ERBIN: variants seen among roughly 807,000 people sequenced by gnomAD.
ERBIN encodes densin-180-like protein.
A neutral mutation model predicts 158.4 loss-of-function variants in ERBIN; 60 were observed. That is an observed-to-expected ratio of 0.38 (90% CI 0.31 to 0.47). ERBIN has a LOEUF of 0.47. ERBIN is among the 20% of genes least tolerant of loss of function. ERBIN has a pLI of 0.99. For synonymous variants in ERBIN, 594 were observed against 557.2 expected (o/e 1.07, Z -0.93); for missense variants, 1,610 against 1,648.0 (o/e 0.98, Z 0.40).
chr5:65,988,983 CAAAAAAAA>C (rs34731955), intron 2 of ERBIN, among the ~76,000 whole-genome samples: 8 of 62,906 alleles, frequency 1.3e-4, no homozygotes, highest in Non-Finnish European at 1.8e-4. Context: ...ACCCTGTTTC[CAAAAAAAA>C]AAAAAAAAAA....
rs187775121 is a variant in ERBIN at position 65,938,158 on chromosome 5, A to G, written c.-58+11352A>G. The stretch of plus-strand genomic sequence containing the variant: ...ATATATTTTTGTTATATTTATTTCT[A>G]AAAACATTTTGGAGGGAGGGCAAGG... On this transcript the variant is annotated intron_variant, in intron 1 of 25. Transcript: ENST00000284037. Among the ~76,000 whole-genome samples, 326 of 152,212 alleles carry G rather than the reference A, an allele frequency of 2.1e-3. 2 individuals are homozygous for G. Among genetic ancestry groups the G allele is most frequent in the African/African-American group, 7.7e-3 (318 of 41,532 alleles).
chr5:65,935,189 CTT>C (rs1471285708), intron 1 of ERBIN, among the ~76,000 whole-genome samples: 1 of 152,052 alleles, frequency 6.6e-6, no homozygotes, highest in Non-Finnish European at 1.5e-5. Context: ...ACTTCTTTGA[CTT>C]TACCAGGGGT....
At chr5:65,929,637 C>CTTG (rs1743118249) in intron 1 of ERBIN, among the ~76,000 whole-genome samples, 1 of 121,662 alleles carries the variant, frequency 8.2e-6, no homozygotes, top group African/African-American at 3.4e-5. Flanking sequence ...GTCTTTTCCT[C>CTTG]TTTTTTTTTT....
Position 66,014,744 on chromosome 5 carries a change from C to CCTG in ERBIN, c.533+19_533+20insCTG. The CCTG allele has an allele frequency of 8.3e-7, 1 of 1,211,266 alleles. No individual in the cohort carries two copies. Among genetic ancestry groups the CCTG allele is most frequent in the Non-Finnish European group, 1.1e-6 (1 of 878,910 alleles). 75.0% of individuals were successfully genotyped at this position (1,211,266 alleles called of 1,614,324 possible). ...TGCCTAAGTAAGTAAAGGTGCTATT[C>CCTG]TTTAAAAAACTTAATTTATAATTTT... On this transcript the variant is annotated intron_variant, in intron 7 of 25. Transcript: ENST00000284037.
intron 4 of ERBIN, among the ~76,000 whole-genome samples, chr5:66,010,907 A>G (rs1754130436): frequency 6.6e-6 from 1 of 152,224 alleles, no homozygotes; most frequent in African/African-American, 2.4e-5. Flanking sequence ...TGATAATTTC[A>G]AGGAATGAGT....
At position 66,054,551 on chromosome 5, in the gene ERBIN, G is replaced by C. The variant is rs754363058; in HGVS notation, c.3233G>C (p.Ser1078Thr). 14 of 1,614,058 alleles carry C rather than the reference G, an allele frequency of 8.7e-6. No homozygotes were observed. Among genetic ancestry groups the C allele is most frequent in the Non-Finnish European group, 3.4e-6 (4 of 1,180,032 alleles). ...AVTRSTIQRQ[S>T]SVSSTASVNL... Reference sequence around the variant, plus strand: ...ACTCGAAGTACAATCCAGCGACAAAGTAGTGTGTCCTCCACAGCCTCTGTA... The same window carrying C: ...ACTCGAAGTACAATCCAGCGACAAACTAGTGTGTCCTCCACAGCCTCTGTA... Residue 1078 changes from serine to threonine, a missense_variant, in exon 21 of 26, where the codon AGT (serine) becomes ACT (threonine). By Grantham distance (58) the Ser-to-Thr change is moderately conservative (BLOSUM62 1). This residue lies in a region of ERBIN where 1,014 missense variants were observed against 936.1 expected (regional missense o/e 1.08). Transcript: ENST00000284037.
At chr5:65,989,584 A>C (rs778525727) in intron 2 of ERBIN, among the ~76,000 whole-genome samples, 4 of 152,178 alleles carry the variant, frequency 2.6e-5, no homozygotes, top group Non-Finnish European at 5.9e-5. Flanking sequence ...TTAGCTCTAC[A>C]GAAAAAAAAA....
chr5:66,057,969 AT>A (rs2151253896), intron 21 of ERBIN, among the ~76,000 whole-genome samples: 1 of 151,964 alleles, frequency 6.6e-6, no homozygotes, highest in South Asian at 2.1e-4. Context: ...AGTCTTTGCT[AT>A]TGTGAAGAGT....
chr5:66,051,890 G>C (rs1759057543), intron 20 of ERBIN, among the ~76,000 whole-genome samples: 1 of 62,764 alleles, frequency 1.6e-5, no homozygotes, highest in Non-Finnish European at 3.9e-5. Context: ...GCTAGGCCTT[G>C]TCTCAAAAAA....
At chr5:66,062,353 A>G (rs1321984658) in intron 21 of ERBIN, among the ~76,000 whole-genome samples, 2 of 152,156 alleles carry the variant, frequency 1.3e-5, no homozygotes, top group South Asian at 2.1e-4. Flanking sequence ...AGGCTTGTGC[A>G]TTCGTCACAT....
chr5:66,043,508 T>C (rs1188965271), intron 16 of ERBIN, among the ~76,000 whole-genome samples: 1 of 152,204 alleles, frequency 6.6e-6, no homozygotes, highest in Non-Finnish European at 1.5e-5. Flanking sequence ...TCAGTTTAGC[T>C]GACTCTCCCC....
At chr5:65,991,944 G>A (rs1751908746) in intron 2 of ERBIN, among the ~76,000 whole-genome samples, 1 of 152,124 alleles carries the variant, frequency 6.6e-6, no homozygotes, top group Non-Finnish European at 1.5e-5. Context: ...CTTTTCATAG[G>A]AAGGTTATAG....
chr5:66,028,027 T>C (rs1270856217), intron 13 of ERBIN, among the ~76,000 whole-genome samples: 1 of 152,116 alleles, frequency 6.6e-6, no homozygotes, highest in Non-Finnish European at 1.5e-5. Context: ...TATTCTATTA[T>C]CCATTTTCTT....
At chr5:66,030,562 C>CTTTTT (rs766454675) in intron 14 of ERBIN, among the ~76,000 whole-genome samples, 1 of 128,352 alleles carries the variant, frequency 7.8e-6, no homozygotes, top group African/African-American at 3.0e-5. Flanking sequence ...ACAGTAGCAC[C>CTTTTT]TTTTTTTTTT....
chr5:66,030,561 CCT>C (rs1491224573), intron 14 of ERBIN, among the ~76,000 whole-genome samples: 2 of 145,628 alleles, frequency 1.4e-5, no homozygotes, highest in African/African-American at 5.2e-5. Context: ...TACAGTAGCA[CCT>C]TTTTTTTTTT....
rs779171084 is a variant in ERBIN, at chr5:66,054,483, A to G, written c.3165A>G (p.Glu1055=). The change falls in exon 21 of 26, where the codon GAA becomes GAG. Residue 1055 remains glutamate (E), a synonymous_variant. Coordinates refer to ENST00000284037, the MANE Select transcript of ERBIN (RefSeq NM_001253697.2). ...HQRLGPARHG[E]MWAISPNDRL... The stretch of plus-strand genomic sequence containing the variant: ...GACTTGGCCCAGCAAGACATGGGGA[A>G]ATGTGGGCCATCTCACCAAACGACC... The G allele has an allele frequency of 1.9e-6, 3 of 1,614,086 alleles. No homozygotes were observed. Among genetic ancestry groups the G allele is most frequent in the Non-Finnish European group, 2.5e-6 (3 of 1,180,026 alleles).
intron 9 of ERBIN, among the ~76,000 whole-genome samples, chr5:66,023,926 C>T (rs924329382): frequency 2.0e-5 from 3 of 152,058 alleles, no homozygotes; most frequent in African/African-American, 7.2e-5. Context: ...ATCCGCCTGC[C>T]TCGGCCTACC....
chr5:66,049,788 A>T (rs571469976), intron 19 of ERBIN, among the ~76,000 whole-genome samples: 1 of 151,454 alleles, frequency 6.6e-6, no homozygotes, highest in East Asian at 1.9e-4. Context: ...TCAGTTAGTT[A>T]AAAAAAAATT....
intron 4 of ERBIN, among the ~76,000 whole-genome samples, chr5:66,005,627 C>T (rs780063291): frequency 3.4e-4 from 52 of 152,304 alleles, no homozygotes; most frequent in Middle Eastern, 6.8e-3. Context: ...TTGCAGATGA[C>T]ATGATTGTAT....
Sources: allele counts gnomAD v4.1 joint callset (sites outside exome capture counted in the v4.1 genomes callset), GRCh38; gene constraint gnomAD v4.1.1; regional missense constraint gnomAD v4.1.1; transcripts MANE v1.5; gene names NCBI Gene and HGNC (gene_info 2026-07-23, HGNC 2026-07-21).